Variants in B4GALT1 observed in about 807,000 individuals in gnomAD.
B4GALT1 encodes N-acetyllactosamine synthase.
In B4GALT1, 16 loss-of-function variants were observed where a neutral mutation model predicts 34.9. That is an observed-to-expected ratio of 0.46 (90% CI 0.31 to 0.70). The LOEUF is 0.70. Among genes scored for constraint, B4GALT1 ranks in the 30% least tolerant of loss-of-function variants. The pLI is 0.05. For missense variants in B4GALT1, 445 were observed against 530.5 expected, an observed-to-expected ratio of 0.84 and a Z score of 1.58; for synonymous variants, 221 against 218.1, an observed-to-expected ratio of 1.01 and a Z score of -0.12.
At chr9:33,174,843 G>C in the B4GALT1 span, among the ~76,000 whole-genome samples, 1 of 148,082 alleles carries the variant, frequency 6.8e-6, no homozygotes, top group Non-Finnish European at 1.5e-5. Context: ...TGTAATCCCA[G>C]CTACTTGGGA....
At chr9:33,147,967 G>A (rs1393629426) in intron 1 of B4GALT1, among the ~76,000 whole-genome samples, 12 of 152,058 alleles carry the variant, frequency 7.9e-5, no homozygotes, top group African/African-American at 2.7e-4. Flanking sequence ...CCAGGATTGC[G>A]AGGCCACAAT....
In B4GALT1 at chr9:33,113,828, C is replaced by T. The variant is rs962468139; in HGVS notation, c.1010G>A (p.Arg337Lys). Residue 337 changes from arginine to lysine, a missense_variant, in exon 5 of 6, where the codon AGG (arginine) becomes AAG (lysine). Physicochemically the swap from Arg to Lys is conservative, Grantham distance 26 (BLOSUM62 2). Coordinates refer to ENST00000379731, the MANE Select transcript of B4GALT1 (RefSeq NM_001497.4). ...TCTTGAGTGGCGGATCATGCGACACCTCCCGACCACAGCATTTGGGCGAGA... is the reference window on the plus strand; with the variant it reads ...TCTTGAGTGGCGGATCATGCGACACTTCCCGACCACAGCATTTGGGCGAGA... ...SISRPNAVVG[R>K]CRMIRHSRDK... 1.2e-6 allele frequency: 2 copies of T among 1,614,050 alleles called. No homozygotes were observed. The highest frequency in any genetic ancestry group is 1.7e-5 in the Admixed American group (1 of 60,000).
chr9:33,142,234 G>T (rs562277912), intron 1 of B4GALT1, among the ~76,000 whole-genome samples: 1 of 152,276 alleles, frequency 6.6e-6, no homozygotes, highest in South Asian at 2.1e-4. Flanking sequence ...GCCTGCCTCG[G>T]CCTCCCACAG....
chr9:33,105,880 GTTTTTTT>G (rs35330697), downstream of B4GALT1, among the ~76,000 whole-genome samples: 139 of 85,758 alleles, frequency 1.6e-3, no homozygotes, highest in Middle Eastern at 0.015. Flanking sequence ...GGACTCGTGG[GTTTTTTT>G]TTTTTTTTTT....
At chr9:33,167,895 C>T (rs1185643305), upstream of B4GALT1, among the ~76,000 whole-genome samples, 1 of 152,320 alleles carries the variant, frequency 6.6e-6, no homozygotes, top group Non-Finnish European at 1.5e-5. Flanking sequence ...CCGGCTGGAC[C>T]CCGCTGCTTA....
intron 2 of B4GALT1, among the ~76,000 whole-genome samples, chr9:33,127,603 G>A (rs929676461): frequency 6.6e-6 from 1 of 152,080 alleles, no homozygotes. Flanking sequence ...TGTTCATTAT[G>A]GTATTACTTA....
chr9:33,176,912 A>G, the B4GALT1 span, among the ~76,000 whole-genome samples: 2 of 152,198 alleles, frequency 1.3e-5, no homozygotes, highest in Admixed American at 6.5e-5. Context: ...AAAATAACTA[A>G]TATAACATTT....
At chr9:33,181,931 G>A in the B4GALT1 span, among the ~76,000 whole-genome samples, 7 of 148,582 alleles carry the variant, frequency 4.7e-5, no homozygotes, top group Admixed American at 2.7e-4. Flanking sequence ...GTGTCAGCAG[G>A]GACAGGCTTC....
chr9:33,111,915 A>G lies in B4GALT1; in HGVS notation c.*1539T>C, dbSNP rs1231297026. ...AACCTGAGGTGGAACAGGAGGCTTT[A>G]GGCACCGAAGTTCTTGGGAGGGAGT... On this transcript the variant is annotated 3_prime_UTR_variant, in exon 6 of 6. Coordinates refer to ENST00000379731, the MANE Select transcript of B4GALT1 (RefSeq NM_001497.4). 6.5e-6 allele frequency: 1 copy of G among 152,684 alleles called. No individual in the cohort carries two copies. The highest frequency in any genetic ancestry group is 1.5e-5 in the Non-Finnish European group (1 of 68,056). The allele number at this position is 152,684 out of a possible 1,614,324, so 9.5% of individuals were successfully genotyped here.
At chr9:33,119,363 T>A (rs988687537) in intron 3 of B4GALT1, among the ~76,000 whole-genome samples, 3 of 152,154 alleles carry the variant, frequency 2.0e-5, no homozygotes, top group Non-Finnish European at 4.4e-5. Context: ...GTGGAAAAAT[T>A]TGGGCTTTGT....
rs1463567388 is a variant in B4GALT1, at chr9:33,112,715, T to G, written c.*739A>C. The G allele has an allele frequency of 6.5e-6, 1 of 152,702 alleles. No individual in the cohort carries two copies. The allele number at this position is 152,702 out of a possible 1,614,324, so 9.5% of individuals were successfully genotyped here. A position where few individuals can be genotyped will look rare whatever the true frequency, so the allele number is the denominator to read the frequency against. On this transcript the variant is annotated 3_prime_UTR_variant, in exon 6 of 6. Transcript: ENST00000379731. ...GCTAGATCATAATTAGAACTCGATC[T>G]GTTCTTTCTTTAAAATACTACAAAC...
chr9:33,126,262 C>T (rs1201123931), intron 2 of B4GALT1, among the ~76,000 whole-genome samples: 3 of 152,146 alleles, frequency 2.0e-5, no homozygotes, highest in Admixed American at 6.5e-5. Flanking sequence ...GCAGCAGAAG[C>T]TCTGACGGGG....
downstream of B4GALT1, among the ~76,000 whole-genome samples, chr9:33,107,501 A>T (rs1173071842): frequency 1.3e-5 from 2 of 151,224 alleles, no homozygotes; most frequent in African/African-American, 2.4e-5. Context: ...CCACTCATTC[A>T]CCCCCAGGGG....
chr9:33,163,958 G>A (rs912384341), intron 1 of B4GALT1, among the ~76,000 whole-genome samples: 1 of 152,098 alleles, frequency 6.6e-6, no homozygotes, highest in Non-Finnish European at 1.5e-5. Context: ...GTGGGGGCGG[G>A]GGGTACTATG....
intron 1 of B4GALT1, among the ~76,000 whole-genome samples, chr9:33,147,359 C>T (rs1587743833): frequency 6.6e-6 from 1 of 151,808 alleles, no homozygotes; most frequent in African/African-American, 2.4e-5. Context: ...GTGATTCTCC[C>T]GCCTCAGCCT....
the B4GALT1 span, among the ~76,000 whole-genome samples, chr9:33,178,636 A>G: frequency 1.3e-5 from 2 of 152,302 alleles, no homozygotes; most frequent in South Asian, 4.1e-4. Flanking sequence ...GACTTTGGTC[A>G]TCCATTTCCA....
At chr9:33,174,973 AAAAAAAAAAAAAAAAAAATATATAT>A in the B4GALT1 span, among the ~76,000 whole-genome samples, 1 of 34,488 alleles carries the variant, frequency 2.9e-5, no homozygotes, top group African/African-American at 9.1e-5. Flanking sequence ...AAAAAAAAAA[AAAAAAAAAAAAAAAAAAATATATAT>A]ATATATATAT....
chr9:33,151,230 C>G (rs1307298458), intron 1 of B4GALT1, among the ~76,000 whole-genome samples: 2 of 152,194 alleles, frequency 1.3e-5, no homozygotes, highest in Non-Finnish European at 2.9e-5. Flanking sequence ...GTGAATTCAG[C>G]CAGAGATTTC....
In B4GALT1 at chr9:33,167,233, G is replaced by A. The variant is rs933033942; in HGVS notation, c.-64C>T. The A allele has an allele frequency of 1.5e-4, 213 of 1,451,204 alleles. No homozygotes were observed. The highest frequency in any genetic ancestry group is 1.9e-4 in the Non-Finnish European group (210 of 1,107,622). The allele number at this position is 1,451,204 out of a possible 1,614,324, so 89.9% of individuals were successfully genotyped here. On this transcript the variant is annotated 5_prime_UTR_variant, in exon 1 of 6. Transcript: ENST00000379731. Reference sequence around the variant, plus strand: ...AGGGGAGGCGACCCGCCCGCGGGCCGCCCGCCAGGCGCTGCCCCACAGCGG... The same window carrying A: ...AGGGGAGGCGACCCGCCCGCGGGCCACCCGCCAGGCGCTGCCCCACAGCGG...
Sources: allele counts gnomAD v4.1 joint callset (sites outside exome capture counted in the v4.1 genomes callset), GRCh38; gene constraint gnomAD v4.1.1; transcripts MANE v1.5; gene names NCBI Gene and HGNC (gene_info 2026-07-23, HGNC 2026-07-21).